Variants in TMEM40 observed in about 807,000 individuals in gnomAD.
TMEM40 encodes the protein transmembrane protein 40.
In TMEM40, 34 loss-of-function variants were observed where a neutral mutation model predicts 40.8. The ratio of observed to expected loss-of-function variants is 0.83; its 90% CI spans 0.63 to 1.11. The LOEUF is 1.11. Ranked by LOEUF, TMEM40 falls within the 50% of genes least tolerant of loss-of-function variation. TMEM40 has a pLI of 0.00. For synonymous variants in TMEM40, 106 were observed against 107.0 expected, an observed-to-expected ratio of 0.99 and a Z score of 0.06; for missense variants, 296 against 280.2, an observed-to-expected ratio of 1.06 and a Z score of -0.40.
Position 12,765,793 on chromosome 3 carries a change from T to C in TMEM40, c.-9+3458A>G, listed in dbSNP as rs537519968. Among the ~76,000 whole-genome samples the C allele has an allele frequency of 1.2e-4, 19 of 152,062 alleles. No individual in the cohort carries two copies. The South Asian group carries it at 3.5e-3, about 28-fold the overall frequency. ...ACCGTGTTAATCAGAATGGTCTCGA[T>C]CTCCTGACCTCGTCATCTGCCCGCC... On this transcript the variant is annotated intron_variant, in intron 1 of 11. Coordinates refer to the TMEM40 transcript ENST00000264728.
chr3:12,738,062 G>GTCTGAGGTCCTCAGGTCTGAGGACCAC (rs2061350645), intron 7 of TMEM40, 74 bp downstream of exon 7: 1 of 1,580,074 alleles, frequency 6.3e-7, no homozygotes, highest in South Asian at 1.1e-5. Flanking sequence ...ACCCTCTCAG[G>GTCTGAGGTCCTCAGGTCTGAGGACCAC]CTGTCTGAGG....
At chr3:12,768,626 A>AT (rs1209593412) in intron 1 of TMEM40, among the ~76,000 whole-genome samples, 1 of 264 alleles carries the variant, frequency 3.8e-3, no homozygotes, top group Admixed American at 0.05. Flanking sequence ...GTGTTTACAA[A>AT]CCTGAGCTAG....
At chr3:12,755,253 T>C (rs59365651) in intron 1 of TMEM40, among the ~76,000 whole-genome samples, 4,198 of 119,226 alleles carry the variant, frequency 0.035, 341 homozygotes, top group African/African-American at 0.15. Flanking sequence ...CTTTCTTTCT[T>C]TCTTTCTTTC....
At chr3:12,747,034 G>T (rs1035043575) in intron 3 of TMEM40, among the ~76,000 whole-genome samples, 1 of 152,034 alleles carries the variant, frequency 6.6e-6, no homozygotes, top group Admixed American at 6.6e-5. Flanking sequence ...TAAATGGGGC[G>T]ATGGCTTCCT....
chr3:12,766,318 G>A (rs551413154), intron 1 of TMEM40, among the ~76,000 whole-genome samples: 24 of 152,096 alleles, frequency 1.6e-4, no homozygotes, highest in Admixed American at 5.9e-4. Flanking sequence ...ATACAGGGCC[G>A]GGCACGGTGG....
chr3:12,741,841 T>A (rs1228364116), intron 5 of TMEM40, among the ~76,000 whole-genome samples: 1 of 151,572 alleles, frequency 6.6e-6, no homozygotes, highest in Non-Finnish European at 1.5e-5. Context: ...ACGCCTGTAA[T>A]TCTGGCACTT....
At chr3:12,741,019 A>G (rs957158494) in intron 5 of TMEM40, among the ~76,000 whole-genome samples, 1 of 151,892 alleles carries the variant, frequency 6.6e-6, no homozygotes, top group Admixed American at 6.6e-5. Context: ...CCTTTTACCC[A>G]TAGAACTCTG....
intron 4 of TMEM40, among the ~76,000 whole-genome samples, chr3:12,743,444 G>A (rs866649651): frequency 2.0e-5 from 3 of 152,202 alleles, no homozygotes; most frequent in South Asian, 2.1e-4. Context: ...TCCAGCCTGG[G>A]CAACAAGAGC....
Position 12,734,381 on chromosome 3 carries a change from A to G in TMEM40, c.*393T>C. On this transcript the variant is annotated 3_prime_UTR_variant, in exon 12 of 12. Coordinates refer to ENST00000314124, the MANE Select transcript of TMEM40 (RefSeq NM_018306.4). ...ATCTCTCCCAGGATGGCTCGGTAGC[A>G]CCTGAGAGCGCATGCAGATAGCCTG... is the stretch of plus-strand genomic sequence containing the variant. 2 of 187,966 alleles carry G rather than the reference A, an allele frequency of 1.1e-5. No homozygotes were observed. The highest frequency in any genetic ancestry group is 1.7e-4 in the South Asian group (1 of 5,958). 11.6% of individuals were successfully genotyped at this position (187,966 alleles called of 1,614,324 possible). A position where few individuals can be genotyped will look rare whatever the true frequency, so the allele number is the denominator to read the frequency against.
intron 3 of TMEM40, among the ~76,000 whole-genome samples, chr3:12,745,255 A>G (rs1280973700): frequency 7.4e-6 from 1 of 135,030 alleles, no homozygotes; most frequent in Non-Finnish European, 1.5e-5. Context: ...TTTACTAGAG[A>G]CGAGGTTTCA....
upstream of TMEM40, among the ~76,000 whole-genome samples, chr3:12,763,368 C>G (rs895450941): frequency 2.0e-5 from 3 of 152,084 alleles, no homozygotes; most frequent in Non-Finnish European, 4.4e-5. Context: ...TTTCCTACCT[C>G]TTTGCTGTGG....
At chr3:12,738,298 C>T in intron 6 of TMEM40, 130 bp from the exon 7 acceptor site, 2 of 1,113,752 alleles carry the variant, frequency 1.8e-6, no homozygotes, top group South Asian at 1.3e-5. Context: ...CCACGGTATC[C>T]TTCTCTCTAT....
intron 1 of TMEM40, among the ~76,000 whole-genome samples, chr3:12,752,889 A>T (rs2061489774): frequency 6.6e-6 from 1 of 152,140 alleles, no homozygotes; most frequent in Non-Finnish European, 1.5e-5. Context: ...TGCTAAGCCC[A>T]TGCTGGGAGA....
At position 12,743,963 on chromosome 3, in the gene TMEM40, T is replaced by A; in HGVS notation, c.238A>T (p.Arg80Ter). ...SESNDEDQQPRATGKHRRSLG... is the reference protein window; with the variant it reads ...SESNDEDQQP ...CTCCGTCGATGTTTTCCGGTTGCTC[T>A]GGGTTGCTGGTCCTCATCATTGCTC... The change falls in exon 4 of 12, where the codon AGA (arginine) becomes TGA (stop). Residue 80 changes from arginine to a stop codon, truncating the protein, a stop_gained. Coordinates refer to ENST00000314124, the MANE Select transcript of TMEM40 (RefSeq NM_018306.4). LOFTEE classifies it high-confidence loss of function. 6.2e-7 allele frequency: 1 copy of A among 1,613,302 alleles called. No homozygotes were observed. The highest frequency in any genetic ancestry group is 8.5e-7 in the Non-Finnish European group (1 of 1,179,730).
In TMEM40 at chr3:12,736,500, T is replaced by A. The variant is rs894167948; in HGVS notation, c.619+78A>T. On this transcript the variant is annotated intron_variant, in intron 10 of 11. Coordinates refer to ENST00000314124, the MANE Select transcript of TMEM40 (RefSeq NM_018306.4). ...TGTGACTCTCTGGTCCATACTTGAATGAGTATGAAAATGAATATTTCTACC... is the reference window on the plus strand; with the variant it reads ...TGTGACTCTCTGGTCCATACTTGAAAGAGTATGAAAATGAATATTTCTACC... 3.4e-6 allele frequency: 5 copies of A among 1,486,048 alleles called. No homozygotes were observed. In the African/African-American group the frequency reaches 7.0e-5, roughly 21 times the overall value. The allele number at this position is 1,486,048 out of a possible 1,614,324, so 92.1% of individuals were successfully genotyped here.
rs2061514196 is a variant in TMEM40 at position 12,755,227 on chromosome 3, C to T, written c.-9+3964G>A. On this transcript the variant is annotated intron_variant, in intron 1 of 11. Coordinates refer to ENST00000314124, the MANE Select transcript of TMEM40 (RefSeq NM_018306.4). ...TCTTTCTTTCTTTCTCTCTCTCTCT[C>T]TCTCTCTCTTTCTTTCTTTCTTTCT... is the stretch of plus-strand genomic sequence containing the variant. Among the ~76,000 whole-genome samples the T allele has an allele frequency of 1.1e-3, 98 of 93,118 alleles. 2 individuals are homozygous for T. The highest frequency in any genetic ancestry group is 5.9e-3 in the African/African-American group (93 of 15,812). The allele number at this position is 93,118 out of a possible 152,430, so 61.1% of individuals were successfully genotyped here.
intron 3 of TMEM40, 50 bp downstream of exon 3, chr3:12,748,605 T>A: frequency 6.4e-7 from 1 of 1,573,960 alleles, no homozygotes. Flanking sequence ...TATTTCCCCA[T>A]GTAAATCTTT....
At chr3:12,762,313 A>AT (rs1375098894), upstream of TMEM40, among the ~76,000 whole-genome samples, 11 of 152,194 alleles carry the variant, frequency 7.2e-5, no homozygotes, top group Non-Finnish European at 1.0e-4. Flanking sequence ...TCGTTTTACT[A>AT]TTTTTAACAT....
At chr3:12,738,231 A>T (rs1019180038) in intron 6 of TMEM40, 63 bp from the exon 7 acceptor site, 1 of 1,581,372 alleles carries the variant, frequency 6.3e-7, no homozygotes. Context: ...AGGTGCCTCC[A>T]CCCTGGGGAA....
Sources: allele counts gnomAD v4.1 joint callset (sites outside exome capture counted in the v4.1 genomes callset), GRCh38; gene constraint gnomAD v4.1.1; transcripts MANE v1.5; gene names NCBI Gene and HGNC (gene_info 2026-07-23, HGNC 2026-07-21).